The following ASAP1 variants were observed in gnomAD, a reference collection of about 807,000 sequenced individuals.
ASAP1 encodes the protein ArfGAP with SH3 domain, ankyrin repeat and PH domain 1.
In ASAP1, 43 loss-of-function variants were observed where a neutral mutation model predicts 145.2. The ratio of observed to expected loss-of-function variants is 0.30; its 90% CI spans 0.23 to 0.38. ASAP1 has a LOEUF of 0.38. Ranked by LOEUF, ASAP1 falls within the 10% of genes least tolerant of loss-of-function variation. ASAP1 has a pLI of 1.00. For missense variants in ASAP1, 1,018 were observed against 1,355.3 expected (o/e 0.75, Z 3.91); for synonymous variants, 546 against 515.5 (o/e 1.06, Z -0.80).
At chr8:130,063,481 G>A (rs1048345696) in intron 27 of ASAP1, among the ~76,000 whole-genome samples, 5 of 152,216 alleles carry the variant, frequency 3.3e-5, no homozygotes, top group Admixed American at 2.0e-4. Context: ...TGAGACCCTT[G>A]AGGGGAAGAG....
At chr8:130,065,839 C>G (rs1036299209) in intron 27 of ASAP1, among the ~76,000 whole-genome samples, 3 of 152,184 alleles carry the variant, frequency 2.0e-5, no homozygotes, top group African/African-American at 7.2e-5. Context: ...CGTGTACTAG[C>G]CTCACTGTTC....
chr8:130,157,228 C>T (rs763107424), intron 12 of ASAP1, among the ~76,000 whole-genome samples: 5 of 152,118 alleles, frequency 3.3e-5, no homozygotes, highest in Non-Finnish European at 5.9e-5. Flanking sequence ...ATTCTAGAGC[C>T]CAGTTTAAAT....
intron 10 of ASAP1, among the ~76,000 whole-genome samples, chr8:130,167,976 C>T (rs1586497032): frequency 6.6e-6 from 1 of 152,042 alleles, no homozygotes; most frequent in Non-Finnish European, 1.5e-5. Flanking sequence ...AGGAGAGAAT[C>T]CTAAGAATGA....
intron 3 of ASAP1, among the ~76,000 whole-genome samples, chr8:130,323,731 A>T (rs1300655108): frequency 1.3e-5 from 2 of 152,224 alleles, no homozygotes; most frequent in Admixed American, 6.5e-5. Flanking sequence ...AAAATTAGGC[A>T]TACTATGTAT....
chr8:130,199,690 G>GT (rs1815743196), intron 5 of ASAP1, among the ~76,000 whole-genome samples: 1 of 152,166 alleles, frequency 6.6e-6, no homozygotes, highest in South Asian at 2.1e-4. Context: ...CCTTCCAGTT[G>GT]TAACACTCTT....
intron 12 of ASAP1, among the ~76,000 whole-genome samples, chr8:130,155,469 C>T (rs191676901): frequency 6.6e-6 from 1 of 152,184 alleles, no homozygotes; most frequent in African/African-American, 2.4e-5. Flanking sequence ...CAGGCTCAAG[C>T]GATACTCCCA....
intron 5 of ASAP1, among the ~76,000 whole-genome samples, chr8:130,206,454 T>C (rs1465291799): frequency 7.1e-6 from 1 of 141,296 alleles, no homozygotes; most frequent in Non-Finnish European, 1.6e-5. Context: ...AGAAGAAAAA[T>C]AAAAAAAAAA....
intron 5 of ASAP1, among the ~76,000 whole-genome samples, 195 bp from the exon 6 acceptor site, chr8:130,188,378 ACAGAGGT>A (rs1814887999): frequency 6.6e-6 from 1 of 152,198 alleles, no homozygotes; most frequent in South Asian, 2.1e-4. Context: ...AGCTGAGGGA[ACAGAGGT>A]GGAGTCATTT....
Position 130,076,406 on chromosome 8 carries a change from G to A in ASAP1, c.2643C>T (p.Ser881=), listed in dbSNP as rs999229521. The part of the protein sequence containing the change: ...NKFEGLSQQS[S]TSSAKTALGP... ...CAAGGGCAGTCTTTGCAGAACTGGT[G>A]CTAATCAACAAATAAGAATCATTTA... Residue 881 remains serine, a splice_region_variant and synonymous_variant, in exon 27 of 30, where the codon AGC becomes AGT. Transcript: ENST00000518721. The A allele has an allele frequency of 5.0e-6, 8 of 1,606,150 alleles. No individual in the cohort carries two copies. Among genetic ancestry groups the A allele is most frequent in the African/African-American group, 1.3e-5 (1 of 74,652 alleles).
chr8:130,190,234 T>C (rs906620802), intron 5 of ASAP1, among the ~76,000 whole-genome samples: 1 of 152,238 alleles, frequency 6.6e-6, no homozygotes, highest in Non-Finnish European at 1.5e-5. Flanking sequence ...CTGAGAGCAA[T>C]GTGCTGGAGA....
At chr8:130,168,966 C>G (rs1398331166) in intron 10 of ASAP1, 26 bp downstream of exon 10, 3 of 1,349,636 alleles carry the variant, frequency 2.2e-6, no homozygotes, top group Non-Finnish European at 2.1e-6. Context: ...GCAAGTTAAA[C>G]TGCATGTATT....
intron 2 of ASAP1, among the ~76,000 whole-genome samples, chr8:130,368,354 A>T (rs759097522): frequency 2.6e-5 from 4 of 152,176 alleles, no homozygotes; most frequent in Non-Finnish European, 5.9e-5. Context: ...ACTTTCACTT[A>T]CTCCCAACTA....
chr8:130,071,011 G>GGGAGAGAGA (rs2097444917), intron 27 of ASAP1, among the ~76,000 whole-genome samples: 1 of 11,438 alleles, frequency 8.7e-5, no homozygotes, highest in African/African-American at 4.5e-4. Flanking sequence ...GGGGAGGGGG[G>GGGAGAGAGA]GAGAGAGAGA....
chr8:130,168,534 G>C (rs1048004886), intron 10 of ASAP1, among the ~76,000 whole-genome samples: 3 of 152,140 alleles, frequency 2.0e-5, no homozygotes, highest in African/African-American at 7.2e-5. Context: ...ACATTGCAGT[G>C]AGCCAAGATC....
chr8:130,120,555 C>T (rs2097564194), intron 18 of ASAP1, among the ~76,000 whole-genome samples: 1 of 152,216 alleles, frequency 6.6e-6, no homozygotes, highest in South Asian at 2.1e-4. Context: ...CAGAACTAGG[C>T]TTAAAGATGC....
chr8:130,429,742 A>G (rs1416488414), intron 1 of ASAP1, among the ~76,000 whole-genome samples: 2 of 152,236 alleles, frequency 1.3e-5, no homozygotes, highest in Non-Finnish European at 2.9e-5. Context: ...AACTTGTTCC[A>G]GAAGGAGAAC....
At chr8:130,126,180 T>C in intron 16 of ASAP1, 91 bp from the exon 17 acceptor site, 1 of 1,208,216 alleles carries the variant, frequency 8.3e-7, no homozygotes, top group Non-Finnish European at 1.1e-6. Flanking sequence ...TAGTACAAAT[T>C]GTTAAGAACT....
At chr8:130,302,864 G>C (rs950367234) in intron 3 of ASAP1, among the ~76,000 whole-genome samples, 4 of 152,194 alleles carry the variant, frequency 2.6e-5, no homozygotes, top group Non-Finnish European at 5.9e-5. Flanking sequence ...AAGACAATCA[G>C]ATGGAAAGTT....
chr8:130,387,772 T>A (rs1165070097), intron 2 of ASAP1, among the ~76,000 whole-genome samples: 1 of 152,164 alleles, frequency 6.6e-6, no homozygotes, highest in African/African-American at 2.4e-5. Context: ...GAATTGGTAT[T>A]TTATGCTCAT....
Sources: allele counts gnomAD v4.1 joint callset (sites outside exome capture counted in the v4.1 genomes callset), GRCh38; gene constraint gnomAD v4.1.1; transcripts MANE v1.5; gene names NCBI Gene and HGNC (gene_info 2026-07-23, HGNC 2026-07-21).